MALRD1: variants seen among roughly 807,000 people sequenced by gnomAD.
MALRD1 encodes the protein MAM and LDL-receptor class A domain-containing protein 1.
In MALRD1, 247 loss-of-function variants were observed where a neutral mutation model predicts 242.1. The ratio of observed to expected loss-of-function variants is 1.02; its 90% confidence interval spans 0.92 to 1.13. MALRD1 has a LOEUF of 1.13. MALRD1 is among the 50% of genes most tolerant of loss of function. MALRD1 has a pLI of 0.00. For synonymous variants in MALRD1, 995 were observed against 866.6 expected, an observed-to-expected ratio of 1.15 and a Z score of -2.60; for missense variants, 2,989 against 2,533.1, an observed-to-expected ratio of 1.18 and a Z score of -3.86.
intron 27 of MALRD1, 47 bp downstream of exon 27, chr10:19,387,820 G>C (rs1414980428): frequency 6.6e-7 from 1 of 1,519,478 alleles, no homozygotes; most frequent in South Asian, 1.3e-5. Context: ...TTTTCACAAT[G>C]TACATCAAAA....
chr10:19,671,636 A>G (rs1249868139), intron 36 of MALRD1, among the ~76,000 whole-genome samples: 1 of 152,218 alleles, frequency 6.6e-6, no homozygotes, highest in African/African-American at 2.4e-5. Flanking sequence ...AAAAAAATAA[A>G]TAATAAATAA....
At chr10:19,337,823 G>A (rs1843676205) in intron 24 of MALRD1, among the ~76,000 whole-genome samples, 1 of 152,034 alleles carries the variant, frequency 6.6e-6, no homozygotes, top group African/African-American at 2.4e-5. Context: ...AGCACTTTGG[G>A]AGGCCAAGGT....
chr10:19,391,222 G>GTGCACACACACAAACA (rs1846322914), intron 28 of MALRD1, among the ~76,000 whole-genome samples: 1 of 152,020 alleles, frequency 6.6e-6, no homozygotes, highest in Non-Finnish European at 1.5e-5. Flanking sequence ...TCTTCCTACT[G>GTGCACACACACAAACA]TGCACACACA....
chr10:19,148,045 T>C (rs1036125781), intron 11 of MALRD1, among the ~76,000 whole-genome samples: 1 of 152,326 alleles, frequency 6.6e-6, no homozygotes, highest in East Asian at 1.9e-4. Flanking sequence ...AGGATGATGG[T>C]GACCCAGGTA....
At chr10:19,156,384 C>G (rs1372846089) in intron 12 of MALRD1, among the ~76,000 whole-genome samples, 1 of 150,774 alleles carries the variant, frequency 6.6e-6, no homozygotes, top group Admixed American at 6.6e-5. Flanking sequence ...TATCCAAATG[C>G]CTTTTACCCA....
At chr10:19,585,140 C>A (rs949470675) in intron 33 of MALRD1, among the ~76,000 whole-genome samples, 1 of 152,138 alleles carries the variant, frequency 6.6e-6, no homozygotes, top group Non-Finnish European at 1.5e-5. Context: ...AGATGCGTTT[C>A]CTGAATACAG....
chr10:19,102,317 C>A (rs964232242), intron 4 of MALRD1, among the ~76,000 whole-genome samples: 3 of 151,704 alleles, frequency 2.0e-5, no homozygotes, highest in African/African-American at 7.3e-5. Flanking sequence ...CAGGCCTTTG[C>A]AAAATGGTTC....
At chr10:19,053,215 A>T (rs1834561460) in intron 1 of MALRD1, among the ~76,000 whole-genome samples, 1 of 152,218 alleles carries the variant, frequency 6.6e-6, no homozygotes, top group Non-Finnish European at 1.5e-5. Context: ...GAAAGGCCAC[A>T]TGAAGACACT....
chr10:19,483,739 A>G (rs930144085), intron 29 of MALRD1, among the ~76,000 whole-genome samples: 2 of 152,194 alleles, frequency 1.3e-5, no homozygotes, highest in Non-Finnish European at 2.9e-5. Context: ...AAGAACTTAG[A>G]ACTAACATTC....
chr10:19,083,794 CCCATAAAACTCA>C (rs1564380132), intron 2 of MALRD1, among the ~76,000 whole-genome samples: 1 of 151,902 alleles, frequency 6.6e-6, no homozygotes. Context: ...CAAGTTAAAG[CCCATAAAACTCA>C]CCATTTTTTA....
chr10:19,391,052 G>A (rs552372260), intron 28 of MALRD1, among the ~76,000 whole-genome samples: 18 of 152,138 alleles, frequency 1.2e-4, no homozygotes, highest in Middle Eastern at 3.4e-3. Flanking sequence ...TGCTTCAGTC[G>A]TATTTACATT....
chr10:19,636,840 A>G (rs1840152245), intron 36 of MALRD1, among the ~76,000 whole-genome samples: 1 of 150,404 alleles, frequency 6.6e-6, no homozygotes, highest in South Asian at 2.1e-4. Context: ...CAGAAGTTGC[A>G]GTGAGCCAAG....
At chr10:19,251,294 C>T (rs1441251103) in intron 18 of MALRD1, among the ~76,000 whole-genome samples, 2 of 151,958 alleles carry the variant, frequency 1.3e-5, no homozygotes, top group Non-Finnish European at 2.9e-5. Context: ...GAGCAAAGGG[C>T]GTATTTAAAT....
rs143588256 is a variant in MALRD1 at position 19,327,569 on chromosome 10, A to G, written c.3583A>G (p.Ile1195Val). Residue 1195 changes from isoleucine (I) to valine (V), a missense_variant, in exon 23 of 40, where the codon ATC becomes GTC. Physicochemically the swap from Ile to Val is conservative, Grantham distance 29. Coordinates refer to ENST00000454679, the MANE Select transcript of MALRD1 (RefSeq NM_001142308.3). ...GATVGSLQVL[I>V]KKDNVTSKLW... ...ACTTGATTTATCTCTATAGGTGCTC[A>G]TCAAGAAAGATAACGTTACTTCTAA... The G allele has an allele frequency of 1.2e-4, 185 of 1,549,362 alleles. No homozygotes were observed. The African/African-American group carries it at 2.0e-3, about 17-fold the overall frequency.
intron 18 of MALRD1, among the ~76,000 whole-genome samples, chr10:19,234,451 A>G (rs1838212429): frequency 6.6e-6 from 1 of 152,114 alleles, no homozygotes; most frequent in Non-Finnish European, 1.5e-5. Flanking sequence ...ATATGAACAA[A>G]TCTACTCTAA....
intron 1 of MALRD1, among the ~76,000 whole-genome samples, chr10:19,059,440 T>C (rs1590370635): frequency 1.3e-5 from 2 of 152,278 alleles, no homozygotes; most frequent in East Asian, 1.9e-4. Context: ...CAGGCTGGAG[T>C]GCAGTGGCAT....
At chr10:19,600,352 G>A (rs1838291593) in intron 34 of MALRD1, among the ~76,000 whole-genome samples, 1 of 152,090 alleles carries the variant, frequency 6.6e-6, no homozygotes, top group Non-Finnish European at 1.5e-5. Context: ...AGATATTGGA[G>A]GACTAAGTGA....
At chr10:19,523,669 G>A (rs1833973288) in intron 31 of MALRD1, among the ~76,000 whole-genome samples, 1 of 152,092 alleles carries the variant, frequency 6.6e-6, no homozygotes, top group Non-Finnish European at 1.5e-5. Context: ...GTAACTTATA[G>A]GAAATGGCAA....
intron 36 of MALRD1, among the ~76,000 whole-genome samples, chr10:19,651,150 C>T (rs563859537): frequency 6.6e-6 from 1 of 152,296 alleles, no homozygotes; most frequent in Non-Finnish European, 1.5e-5. Context: ...GGCCACAAGT[C>T]CAAAGAATTT....
Sources: allele counts gnomAD v4.1 joint callset (sites outside exome capture counted in the v4.1 genomes callset), GRCh38; gene constraint gnomAD v4.1.1; transcripts MANE v1.5; gene names NCBI Gene and HGNC (gene_info 2026-07-23, HGNC 2026-07-21).